CRPPA: variants seen among roughly 807,000 people sequenced by gnomAD.
The protein encoded by CRPPA is CDP-L-ribitol pyrophosphorylase A, also known as D-ribitol-5-phosphate cytidylyltransferase.
In CRPPA, 43 loss-of-function variants were observed where a neutral mutation model predicts 52.0. The ratio of observed to expected loss-of-function variants is 0.83; its 90% CI spans 0.65 to 1.07. The LOEUF (loss-of-function observed/expected upper bound fraction) is 1.07, where lower values mean the gene tolerates loss of function less well. Ranked by LOEUF, CRPPA falls within the 50% of genes least tolerant of loss-of-function variation. CRPPA has a pLI of 0.00. For synonymous variants in CRPPA, 250 were observed against 203.5 expected, an observed-to-expected ratio of 1.23 and a Z score of -1.94; for missense variants, 629 against 551.7, an observed-to-expected ratio of 1.14 and a Z score of -1.40.
chr7:16,384,982 A>T (rs959064416), intron 2 of CRPPA, among the ~76,000 whole-genome samples: 1 of 152,240 alleles, frequency 6.6e-6, no homozygotes, highest in Non-Finnish European at 1.5e-5. Context: ...ACTAATGTTA[A>T]GCAGTTTAAA....
chr7:16,222,913 C>G (rs907830576), intron 8 of CRPPA, among the ~76,000 whole-genome samples: 4 of 152,150 alleles, frequency 2.6e-5, no homozygotes, highest in African/African-American at 9.7e-5. Context: ...GGCTGACCAT[C>G]ATCTTGAACG....
intron 5 of CRPPA, among the ~76,000 whole-genome samples, chr7:16,286,093 A>ATATATATATATAT (rs1554309913): frequency 9.4e-4 from 26 of 27,726 alleles, no homozygotes; most frequent in African/African-American, 1.9e-3. Flanking sequence ...TATTTAAAAA[A>ATATATATATATAT]AAAAATATAT....
intron 5 of CRPPA, among the ~76,000 whole-genome samples, chr7:16,286,205 T>C (rs896319646): frequency 1.9e-4 from 29 of 149,260 alleles, no homozygotes; most frequent in African/African-American, 7.2e-4. Flanking sequence ...GGTGCCCAGA[T>C]ATTTGGTCAA....
intron 6 of CRPPA, among the ~76,000 whole-genome samples, chr7:16,272,956 CTT>C (rs11360688): frequency 3.4e-5 from 5 of 147,556 alleles, no homozygotes; most frequent in African/African-American, 1.2e-4. Context: ...TCCTTTGTCG[CTT>C]TTTTTTTTAT....
intron 8 of CRPPA, among the ~76,000 whole-genome samples, chr7:16,220,508 C>T (rs1782469437): frequency 1.2e-5 from 1 of 85,234 alleles, no homozygotes; most frequent in Non-Finnish European, 2.4e-5. Context: ...CAAATTGTCC[C>T]TGTTTGCAGA....
intron 1 of CRPPA, among the ~76,000 whole-genome samples, chr7:16,414,969 T>C (rs188406943): frequency 1.3e-3 from 191 of 152,294 alleles, no homozygotes; most frequent in Non-Finnish European, 2.4e-3. Context: ...TACATGTACA[T>C]GATGTTTAAT....
rs1437792648 is a variant in CRPPA at position 16,215,982 on chromosome 7, A to C, written c.1251+84T>G. 3.1e-5 allele frequency: 33 copies of C among 1,064,364 alleles called. No individual in the cohort carries two copies. The Middle Eastern group carries it at 9.7e-4, about 31-fold the overall frequency. The allele number at this position is 1,064,364 out of a possible 1,614,324, so 65.9% of individuals were successfully genotyped here. ...AGCTGTAATTTCACTTATCAATAAT[A>C]TCCTCCTGCTTTTAACAAATCAGAT... On this transcript the variant is annotated intron_variant, in intron 9 of 9. Transcript: ENST00000407010.
chr7:16,388,901 T>G (rs2128314411), intron 2 of CRPPA, among the ~76,000 whole-genome samples: 1 of 151,916 alleles, frequency 6.6e-6, no homozygotes, highest in East Asian at 1.9e-4. Flanking sequence ...GTTCACAACC[T>G]TTGACGAAAA....
At chr7:16,243,791 C>A (rs947020454) in intron 8 of CRPPA, among the ~76,000 whole-genome samples, 1 of 152,058 alleles carries the variant, frequency 6.6e-6, no homozygotes, top group Non-Finnish European at 1.5e-5. Flanking sequence ...CACAACAAGA[C>A]CTCATCTCTA....
intron 9 of CRPPA, among the ~76,000 whole-genome samples, chr7:16,213,744 C>G (rs553016724): frequency 6.6e-5 from 9 of 135,364 alleles, no homozygotes; most frequent in Admixed American, 5.8e-4. Flanking sequence ...AGAAAAACTT[C>G]GGCTCAAAAA....
chr7:16,372,157 T>A (rs1369522128), intron 3 of CRPPA, among the ~76,000 whole-genome samples: 1 of 152,210 alleles, frequency 6.6e-6, no homozygotes, highest in Admixed American at 6.5e-5. Flanking sequence ...TTCCTAACCT[T>A]GCTAGAGATC....
intron 3 of CRPPA, among the ~76,000 whole-genome samples, chr7:16,351,805 A>G (rs908749506): frequency 6.6e-6 from 1 of 152,220 alleles, no homozygotes; most frequent in African/African-American, 2.4e-5. Flanking sequence ...AAGCTTTTAC[A>G]TTGTTGGAGG....
intron 9 of CRPPA, among the ~76,000 whole-genome samples, chr7:16,184,857 T>A (rs1440233529): frequency 6.6e-6 from 1 of 152,200 alleles, no homozygotes; most frequent in Non-Finnish European, 1.5e-5. Context: ...TAATCGTCGT[T>A]AGTGATTTTT....
At chr7:16,295,941 T>C (rs986114503) in intron 5 of CRPPA, among the ~76,000 whole-genome samples, 4 of 152,124 alleles carry the variant, frequency 2.6e-5, no homozygotes, top group African/African-American at 7.2e-5. Flanking sequence ...GTTTTAAATT[T>C]CACTCACAGT....
intron 9 of CRPPA, among the ~76,000 whole-genome samples, chr7:16,099,714 T>G (rs1042624040): frequency 1.3e-4 from 20 of 152,188 alleles, no homozygotes; most frequent in African/African-American, 4.8e-4. Flanking sequence ...CAGTTCATTA[T>G]TGCATCCAAT....
At chr7:16,130,198 C>A (rs1782655414) in intron 9 of CRPPA, among the ~76,000 whole-genome samples, 1 of 152,074 alleles carries the variant, frequency 6.6e-6, no homozygotes, top group East Asian at 1.9e-4. Flanking sequence ...TGACATTCTG[C>A]TTTTTAAAGC....
At chr7:16,173,576 T>G (rs1781236793) in intron 9 of CRPPA, among the ~76,000 whole-genome samples, 1 of 151,994 alleles carries the variant, frequency 6.6e-6, no homozygotes, top group Admixed American at 6.6e-5. Context: ...AATCAGAGAG[T>G]ATAACAAGAT....
rs188120462 is a variant in CRPPA, at chr7:16,249,748, G to A, written c.1119+8642C>T. On this transcript the variant is annotated intron_variant, in intron 8 of 9. Coordinates refer to ENST00000407010, the MANE Select transcript of CRPPA (RefSeq NM_001101426.4). The stretch of plus-strand genomic sequence containing the variant: ...AGGTCACCAACATCAAAGACCAAAG[G>A]TAGATAAAACCACAAAGATGGGGAG... 3.6e-3 allele frequency among the ~76,000 whole-genome samples: 543 copies of A among 152,272 alleles called. 6 individuals are homozygous for A. Among genetic ancestry groups the A allele is most frequent in the Non-Finnish European group, 3.0e-3 (204 of 68,032 alleles).
intron 8 of CRPPA, among the ~76,000 whole-genome samples, chr7:16,230,237 C>T (rs1199461967): frequency 6.6e-6 from 1 of 152,034 alleles, no homozygotes; most frequent in East Asian, 1.9e-4. Flanking sequence ...TCTTTTTCTC[C>T]TTCTTTAATG....
Sources: gnomAD v4.1 joint callset for allele counts (sites outside exome capture counted in the v4.1 genomes callset) on GRCh38, gnomAD v4.1.1 for gene constraint, MANE v1.5 for transcripts, NCBI Gene and HGNC (gene_info 2026-07-23, HGNC 2026-07-21) for gene names.